Variants in SFMBT2 observed in about 807,000 individuals in gnomAD.
SFMBT2 encodes scm-like with four MBT domains protein 2.
In SFMBT2, 38 loss-of-function variants were observed where a neutral mutation model predicts 110.1. The ratio of observed to expected loss-of-function variants is 0.35; its 90% CI spans 0.27 to 0.45. The LOEUF is 0.45. SFMBT2 is among the 20% of genes least tolerant of loss of function. The pLI is 1.00. For synonymous variants in SFMBT2, 425 were observed against 425.4 expected, an observed-to-expected ratio of 1.00 and a Z score of 0.01; for missense variants, 1,011 against 1,094.9, an observed-to-expected ratio of 0.92 and a Z score of 1.08.
At chr10:7,186,475 A>ATATATATATATATATATATATAT (rs1345076690) in intron 16 of SFMBT2, among the ~76,000 whole-genome samples, 9 of 136,618 alleles carry the variant, frequency 6.6e-5, no homozygotes, top group South Asian at 2.2e-4. Context: ...TATATATATA[A>ATATATATATATATATATATATAT]AAATATTTTA....
chr10:7,351,722 G>T (rs1049240960), intron 4 of SFMBT2, among the ~76,000 whole-genome samples: 3 of 152,108 alleles, frequency 2.0e-5, no homozygotes, highest in African/African-American at 7.2e-5. Context: ...CAGTATTCTG[G>T]ACAGTGGACG....
intron 4 of SFMBT2, among the ~76,000 whole-genome samples, chr10:7,357,399 G>A (rs606477): frequency 0.073 from 11,050 of 152,152 alleles, 541 homozygotes; most frequent in Non-Finnish European, 0.11. Context: ...CAAATCAGTC[G>A]AAGGCCCAAA....
rs1837504268 is a variant in SFMBT2 at position 7,159,825 on chromosome 10, C to T, written c.*3945G>A. 1 of 151,924 alleles carries T rather than the reference C, an allele frequency of 6.6e-6. No homozygotes were observed. Among genetic ancestry groups the T allele is most frequent in the Admixed American group, 6.6e-5 (1 of 15,252 alleles). The allele number at this position is 151,924 out of a possible 1,614,324, so 9.4% of individuals were successfully genotyped here. On this transcript the variant is annotated 3_prime_UTR_variant, in exon 21 of 21. Transcript: ENST00000397167. ...GTTCTATAAAATAAGTATGAAAACCCCTAGTACTTCTAAAACTAAGCGGGG... is the reference window on the plus strand; with the variant it reads ...GTTCTATAAAATAAGTATGAAAACCTCTAGTACTTCTAAAACTAAGCGGGG...
intron 7 of SFMBT2, among the ~76,000 whole-genome samples, chr10:7,253,707 C>T (rs1840892823): frequency 6.6e-6 from 1 of 151,764 alleles, no homozygotes; most frequent in African/African-American, 2.4e-5. Flanking sequence ...AGCCACATAT[C>T]TTATCCTACT....
At chr10:7,350,220 G>A (rs566046218) in intron 4 of SFMBT2, among the ~76,000 whole-genome samples, 7 of 151,352 alleles carry the variant, frequency 4.6e-5, no homozygotes, top group South Asian at 4.2e-4. Context: ...GGTCCATCCC[G>A]CTGATGGGGT....
intron 7 of SFMBT2, among the ~76,000 whole-genome samples, chr10:7,269,432 C>T (rs1841501895): frequency 6.6e-6 from 1 of 152,080 alleles, no homozygotes; most frequent in Non-Finnish European, 1.5e-5. Context: ...GGGACTCATC[C>T]CATCCAAATA....
At chr10:7,348,103 T>C in intron 4 of SFMBT2, 1 of 439,840 alleles carries the variant, frequency 2.3e-6, no homozygotes, top group South Asian at 6.9e-5. Context: ...CATCATCCCT[T>C]CATCTCTACG....
At chr10:7,348,377 C>T (rs763087073) in intron 4 of SFMBT2, 4 of 1,448,122 alleles carry the variant, frequency 2.8e-6, no homozygotes, top group East Asian at 2.6e-5. Context: ...CTATAACTTG[C>T]TCCTATAATC....
intron 15 of SFMBT2, among the ~76,000 whole-genome samples, chr10:7,194,888 T>C (rs1471057032): frequency 1.3e-5 from 2 of 152,172 alleles, no homozygotes; most frequent in Non-Finnish European, 2.9e-5. Context: ...ACAAATCATT[T>C]AGTAAAGTAA....
At chr10:7,382,720 CAT>C (rs1845461158) in intron 1 of SFMBT2, among the ~76,000 whole-genome samples, 1 of 152,236 alleles carries the variant, frequency 6.6e-6, no homozygotes, top group Non-Finnish European at 1.5e-5. Flanking sequence ...ACGTGTTACA[CAT>C]GATCTGTTAC....
intron 2 of SFMBT2, among the ~76,000 whole-genome samples, chr10:7,378,083 G>A (rs898191786): frequency 6.6e-6 from 1 of 151,416 alleles, no homozygotes; most frequent in Non-Finnish European, 1.5e-5. Flanking sequence ...ATGTGTATGT[G>A]GATGGGTGTG....
chr10:7,202,679 C>T (rs2131605672), intron 12 of SFMBT2, 157 bp from the exon 13 acceptor site: 1 of 985,316 alleles, frequency 1.0e-6, no homozygotes, highest in South Asian at 4.7e-5. Context: ...CTATCAGTTT[C>T]TTCTAGCATA....
At chr10:7,338,448 G>A (rs1843784299) in intron 4 of SFMBT2, among the ~76,000 whole-genome samples, 1 of 152,146 alleles carries the variant, frequency 6.6e-6, no homozygotes, top group South Asian at 2.1e-4. Flanking sequence ...TATTTTGTAT[G>A]TTCTATGTAT....
chr10:7,348,647 A>G (rs1185627356), intron 4 of SFMBT2, among the ~76,000 whole-genome samples: 2 of 152,248 alleles, frequency 1.3e-5, no homozygotes, highest in African/African-American at 4.8e-5. Flanking sequence ...TTTAAAAGAC[A>G]AACATTTAAG....
chr10:7,294,408 C>T (rs1199705023), intron 4 of SFMBT2, among the ~76,000 whole-genome samples: 2 of 152,200 alleles, frequency 1.3e-5, no homozygotes, highest in Non-Finnish European at 2.9e-5. Flanking sequence ...GCAGAACCCA[C>T]CTTGCATTGT....
Position 7,311,596 on chromosome 10 carries a change from A to G in SFMBT2, c.437-25642T>C, listed in dbSNP as rs117797964. ...ATAAATGATCTCCCTGCAAGCTGCT[A>G]TGATTAATCACCACCCTTCAGTTAA... On this transcript the variant is annotated intron_variant, in intron 4 of 20. Transcript: ENST00000397167. Among the ~76,000 whole-genome samples the G allele has an allele frequency of 5.3e-4, 81 of 152,356 alleles. No homozygotes were observed. The East Asian group carries it at 0.014, about 26-fold the overall frequency.
intron 4 of SFMBT2, among the ~76,000 whole-genome samples, chr10:7,327,501 T>C (rs1359367808): frequency 6.6e-6 from 1 of 152,018 alleles, no homozygotes; most frequent in African/African-American, 2.4e-5. Context: ...GCCAACATGG[T>C]GAAACTCTGT....
chr10:7,365,155 C>T (rs528271045), intron 4 of SFMBT2, among the ~76,000 whole-genome samples: 3 of 152,122 alleles, frequency 2.0e-5, no homozygotes, highest in Non-Finnish European at 2.9e-5. Context: ...CTGCGATTTG[C>T]GTACACAGAG....
chr10:7,350,404 GA>G (rs1209955754), intron 4 of SFMBT2, among the ~76,000 whole-genome samples: 2 of 152,014 alleles, frequency 1.3e-5, no homozygotes, highest in African/African-American at 4.8e-5. Context: ...TACCAGGTGT[GA>G]CCCCACCCAG....
Sources: allele counts gnomAD v4.1 joint callset (sites outside exome capture counted in the v4.1 genomes callset), GRCh38; gene constraint gnomAD v4.1.1; transcripts MANE v1.5; gene names NCBI Gene and HGNC (gene_info 2026-07-23, HGNC 2026-07-21).